MYOCOS: variants seen among roughly 807,000 people sequenced by gnomAD.
MYOCOS encodes myocilin opposite strand, also known as myocilin opposite strand protein.
chr1:171,608,284 A>G (rs765939888), intron 1 of MYOCOS, among the ~76,000 whole-genome samples: 8 of 152,074 alleles, frequency 5.3e-5, no homozygotes, highest in Non-Finnish European at 1.2e-4. Flanking sequence ...ATAAAATTGG[A>G]TTGGCAGAGG....
intron 1 of MYOCOS, among the ~76,000 whole-genome samples, chr1:171,605,207 C>G (rs1306564676): frequency 5.3e-5 from 8 of 151,962 alleles, no homozygotes; most frequent in Non-Finnish European, 8.8e-5. Context: ...TTAGTGCCTA[C>G]AGACCCAGTT....
chr1:171,624,899 A>G (rs1038818057), intron 2 of MYOCOS, among the ~76,000 whole-genome samples: 44 of 152,126 alleles, frequency 2.9e-4, no homozygotes, highest in African/African-American at 8.7e-4. Context: ...TGACACCTCT[A>G]GCTTGAGCTC....
At chr1:171,602,498 G>T (rs2130523) in intron 1 of MYOCOS, among the ~76,000 whole-genome samples, 13,333 of 152,132 alleles carry the variant, frequency 0.088, 827 homozygotes, top group South Asian at 0.29. Flanking sequence ...AGTTAAAAAG[G>T]TATCATCCAA....
chr1:171,619,052 G>A (rs1422861145), upstream of MYOCOS, among the ~76,000 whole-genome samples: 1 of 152,124 alleles, frequency 6.6e-6, no homozygotes, highest in Non-Finnish European at 1.5e-5. Context: ...ACGACATCTT[G>A]TAGTTGGATA....
chr1:171,601,828 C>G, intron 1 of MYOCOS, among the ~76,000 whole-genome samples: 1 of 151,970 alleles, frequency 6.6e-6, no homozygotes, highest in East Asian at 1.9e-4. Flanking sequence ...AAGGAAAGAC[C>G]AGCAGAGAGA....
chr1:171,621,374 G>GTTTTTTTTT (rs397974158), upstream of MYOCOS, among the ~76,000 whole-genome samples: 3 of 115,150 alleles, frequency 2.6e-5, 1 homozygote, highest in Non-Finnish European at 5.1e-5. Flanking sequence ...TCTATGGTGG[G>GTTTTTTTTT]TTTTTTTTTT....
In MYOCOS at chr1:171,626,876, A is replaced by G; in HGVS notation, c.*275A>G. Reference sequence around the variant, plus strand: ...TAGTCAGTTGTATTTAAATTAATAAACAGTTATCAGGCCTTGTTGTTTATT... The same window carrying G: ...TAGTCAGTTGTATTTAAATTAATAAGCAGTTATCAGGCCTTGTTGTTTATT... On this transcript the variant is annotated 3_prime_UTR_variant, in exon 3 of 3. Coordinates refer to ENST00000637642, the MANE Select transcript of MYOCOS (RefSeq NM_001391940.1). The G allele has an allele frequency of 3.8e-6, 1 of 266,278 alleles. No homozygotes were observed. The highest frequency in any genetic ancestry group is 7.0e-6 in the Non-Finnish European group (1 of 143,548). 16.5% of individuals were successfully genotyped at this position (266,278 alleles called of 1,614,324 possible). A position where few individuals can be genotyped will look rare whatever the true frequency, so the allele number is the denominator to read the frequency against.
At chr1:171,601,673 C>G (rs1652144755) in intron 1 of MYOCOS, among the ~76,000 whole-genome samples, 1 of 152,044 alleles carries the variant, frequency 6.6e-6, no homozygotes, top group Non-Finnish European at 1.5e-5. Flanking sequence ...TAGACAGGTC[C>G]TTTGTTTCAA....
At chr1:171,610,639 C>A (rs905054230) in intron 1 of MYOCOS, among the ~76,000 whole-genome samples, 2 of 152,192 alleles carry the variant, frequency 1.3e-5, no homozygotes, top group African/African-American at 4.8e-5. Flanking sequence ...CCCATTTCTG[C>A]AACAATGACA....
intron 1 of MYOCOS, among the ~76,000 whole-genome samples, chr1:171,608,332 T>C (rs2102933320): frequency 6.6e-6 from 1 of 151,966 alleles, no homozygotes; most frequent in Non-Finnish European, 1.5e-5. Context: ...AAAAAATGCC[T>C]TAGTAAATCT....
chr1:171,620,987 C>T (rs1263854796), upstream of MYOCOS, among the ~76,000 whole-genome samples: 1 of 152,020 alleles, frequency 6.6e-6, no homozygotes, highest in East Asian at 1.9e-4. Flanking sequence ...CCAGGATGGT[C>T]TCGATCTCCT....
At chr1:171,623,691 G>C (rs77165888) in intron 1 of MYOCOS, 150 bp from the exon 2 acceptor site, 5 of 393,784 alleles carry the variant, frequency 1.3e-5, no homozygotes, top group South Asian at 2.9e-4. Flanking sequence ...CTTGACCTTG[G>C]GGGGAAGGGG....
upstream of MYOCOS, among the ~76,000 whole-genome samples, chr1:171,619,299 C>A (rs1054382105): frequency 6.6e-6 from 1 of 152,108 alleles, no homozygotes; most frequent in Non-Finnish European, 1.5e-5. Flanking sequence ...ATTACTAGGA[C>A]TTCTCCTTGT....
chr1:171,604,503 C>T lies in MYOCOS; in HGVS notation c.-252+3423C>T, dbSNP rs568532951. 4 of 152,208 alleles carry T rather than the reference C, an allele frequency of 2.6e-5. No individual in the cohort carries two copies. The East Asian group carries it at 5.8e-4, about 22-fold the overall frequency. The allele number at this position is 152,208 out of a possible 1,614,324, so 9.4% of individuals were successfully genotyped here. ...TATATAATCCAGGAAGTGACCAGCC[C>T]GATGTGTGCTATGACTCCTTTGAAC... On this transcript the variant is annotated intron_variant, in intron 1 of 3. Coordinates refer to the MYOCOS transcript ENST00000636697.
At chr1:171,613,295 G>A (rs1275792936) in intron 1 of MYOCOS, among the ~76,000 whole-genome samples, 1 of 152,166 alleles carries the variant, frequency 6.6e-6, no homozygotes, top group Non-Finnish European at 1.5e-5. Context: ...TCATCTGGTT[G>A]CACAAAGGGA....
At chr1:171,612,466 G>C (rs1379043813) in intron 1 of MYOCOS, among the ~76,000 whole-genome samples, 2 of 152,052 alleles carry the variant, frequency 1.3e-5, no homozygotes, top group Non-Finnish European at 2.9e-5. Flanking sequence ...GACTTGGGGG[G>C]AAGCAGAAAG....
chr1:171,608,853 C>G (rs920961524), intron 1 of MYOCOS, among the ~76,000 whole-genome samples: 2 of 152,118 alleles, frequency 1.3e-5, no homozygotes, highest in Non-Finnish European at 2.9e-5. Flanking sequence ...TGCTCAGAAC[C>G]AGAGCCTACA....
At chr1:171,605,373 C>CACACACACACA (rs1652222234) in intron 1 of MYOCOS, among the ~76,000 whole-genome samples, 1 of 139,226 alleles carries the variant, frequency 7.2e-6, no homozygotes. Context: ...ATTAATAGTA[C>CACACACACACA]CACACACACA....
intron 1 of MYOCOS, among the ~76,000 whole-genome samples, chr1:171,606,888 C>T (rs1249394618): frequency 1.3e-5 from 2 of 151,972 alleles, no homozygotes; most frequent in Non-Finnish European, 1.5e-5. Context: ...GGTCTGGAGT[C>T]TAAGACCAGC....
Sources: allele counts gnomAD v4.1 joint callset (sites outside exome capture counted in the v4.1 genomes callset), GRCh38; gene constraint gnomAD v4.1.1; transcripts MANE v1.5; gene names NCBI Gene and HGNC (gene_info 2026-07-23, HGNC 2026-07-21).